LSM8: variants seen among roughly 807,000 people sequenced by gnomAD.
LSM8 encodes LSM8 homolog, U6 small nuclear RNA associated, also known as LSM8 U6 small nuclear RNA associated.
Under a neutral mutation model 15.0 loss-of-function variants are expected in LSM8, and 14 were observed. That is an observed-to-expected ratio of 0.93 (90% CI 0.62 to 1.46). LSM8 has a LOEUF of 1.46. Ranked by LOEUF, LSM8 falls within the 40% of genes most tolerant of loss-of-function variation. The pLI is 0.00. For synonymous variants in LSM8, 50 were observed against 42.1 expected, an observed-to-expected ratio of 1.19 and a Z score of -0.73; for missense variants, 90 against 115.4, an observed-to-expected ratio of 0.78 and a Z score of 1.01.
In LSM8 at chr7:118,202,946, C is replaced by CT. The variant is rs1302843216; in HGVS notation, c.*10950dup. ...CTGATCTATACTGTCTTTCTACACA[C>CT]TTTTTTACCTTACTTTATCCTTCAG... On this transcript the variant is annotated 3_prime_UTR_variant, in exon 4 of 4. Transcript: ENST00000249299. 6.6e-6 allele frequency among the ~76,000 whole-genome samples: 1 copy of CT among 151,944 alleles called. No homozygotes were observed. The highest frequency in any genetic ancestry group is 6.6e-5 in the Admixed American group (1 of 15,202).
chr7:118,200,748 CT>C lies in LSM8; in HGVS notation c.*8752del, dbSNP rs1809159507. 6.6e-6 allele frequency among the ~76,000 whole-genome samples: 1 copy of C among 151,984 alleles called. No individual in the cohort carries two copies. The highest frequency in any genetic ancestry group is 2.1e-4 in the South Asian group (1 of 4,826). Reference sequence around the variant, plus strand: ...TATTCCTTAAGTGTTTGAATTTACACTTTTTTCTCCTGTGACAGCATCTATT... The same window carrying C: ...TATTCCTTAAGTGTTTGAATTTACACTTTTTCTCCTGTGACAGCATCTATT... On this transcript the variant is annotated 3_prime_UTR_variant, in exon 4 of 4. Transcript: ENST00000249299.
rs565310400 is a variant in LSM8, at chr7:118,192,175, T to G, written c.*173T>G. 4.6e-5 allele frequency: 19 copies of G among 412,888 alleles called. No individual in the cohort carries two copies. Among genetic ancestry groups the G allele is most frequent in the Admixed American group, 3.0e-4 (7 of 23,392 alleles). 25.6% of individuals were successfully genotyped at this position (412,888 alleles called of 1,614,324 possible). A position where few individuals can be genotyped will look rare whatever the true frequency, so the allele number is the denominator to read the frequency against. ...TTATTGAAAAAAAAACCTTTTTTTT[T>G]GCCTAAATATAAGTTTGGTAGCTTG... On this transcript the variant is annotated 3_prime_UTR_variant, in exon 4 of 4. Coordinates refer to ENST00000249299, the MANE Select transcript of LSM8 (RefSeq NM_016200.5).
intron 2 of LSM8, among the ~76,000 whole-genome samples, chr7:118,187,002 C>T (rs1249566063): frequency 6.6e-6 from 1 of 152,044 alleles, no homozygotes; most frequent in Non-Finnish European, 1.5e-5. Context: ...ATATAAAAAG[C>T]ATCTTAAGTT....
rs1283514302 is a variant in LSM8 at position 118,199,312 on chromosome 7, A to G, written c.*7310A>G. On this transcript the variant is annotated 3_prime_UTR_variant, in exon 4 of 4. Coordinates refer to ENST00000249299, the MANE Select transcript of LSM8 (RefSeq NM_016200.5). ...AAGAGATGGCCTTCAATACTAGTGC[A>G]AAGTTAATACTTTATTCTTAGAGCA... 6.6e-6 allele frequency among the ~76,000 whole-genome samples: 1 copy of G among 152,176 alleles called. No individual in the cohort carries two copies. Among genetic ancestry groups the G allele is most frequent in the Non-Finnish European group, 1.5e-5 (1 of 68,028 alleles).
Position 118,200,628 on chromosome 7 carries a change from TAAAC to T in LSM8, c.*8629_*8632del, listed in dbSNP as rs1424512440. 5.3e-5 allele frequency among the ~76,000 whole-genome samples: 8 copies of T among 152,156 alleles called. No individual in the cohort carries two copies. Among genetic ancestry groups the T allele is most frequent in the East Asian group, 1.9e-4 (1 of 5,204 alleles). On this transcript the variant is annotated 3_prime_UTR_variant, in exon 4 of 4. Coordinates refer to ENST00000249299, the MANE Select transcript of LSM8 (RefSeq NM_016200.5). ...CAAATTATTAATGATTCTTCCATAA[TAAAC>T]AAGCAAACTGTCATACTTGTTGACT...
Position 118,194,445 on chromosome 7 carries a change from CTT to C in LSM8, c.*2444_*2445del, listed in dbSNP as rs1809042546. 6.6e-6 allele frequency among the ~76,000 whole-genome samples: 1 copy of C among 151,584 alleles called. No homozygotes were observed. Among genetic ancestry groups the C allele is most frequent in the African/African-American group, 2.4e-5 (1 of 41,208 alleles). Reference sequence around the variant, plus strand: ...CTTTTATGTCAAAGCACTTTGGTAACTTGGCCTCACATGCTGACAGTTTTGGC... The same window carrying C: ...CTTTTATGTCAAAGCACTTTGGTAACGGCCTCACATGCTGACAGTTTTGGC... On this transcript the variant is annotated 3_prime_UTR_variant, in exon 4 of 4. Transcript: ENST00000249299.
At position 118,185,668 on chromosome 7, in the gene LSM8, A is replaced by T; in HGVS notation, c.46A>T (p.Ile16Phe). The change falls in exon 2 of 4, where the codon ATT (isoleucine) becomes TTT (phenylalanine). Residue 16 changes from isoleucine (I) to phenylalanine (F), a missense_variant. By Grantham distance (21) the Ile-to-Phe change is conservative. Transcript: ENST00000249299. The part of the protein sequence containing the change: ...ENYINRTVAV[I>F]TSDGRMIVGT... ...TCAGTTATCAGGAACTGTTGCCGTT[A>T]TTACATCAGATGGGAGAATGATTGT... 6.2e-7 allele frequency: 1 copy of T among 1,611,106 alleles called. No homozygotes were observed. Among genetic ancestry groups the T allele is most frequent in the Non-Finnish European group, 8.5e-7 (1 of 1,177,506 alleles).
At position 118,198,946 on chromosome 7, in the gene LSM8, C is replaced by T. The variant is rs570144690; in HGVS notation, c.*6944C>T. ...ATGAGGGAACTGAATATTTATGTGA[C>T]TGAACCCTCATAAAAACCCTGAACA... On this transcript the variant is annotated 3_prime_UTR_variant, in exon 4 of 4. Coordinates refer to ENST00000249299, the MANE Select transcript of LSM8 (RefSeq NM_016200.5). 1.3e-5 allele frequency among the ~76,000 whole-genome samples: 2 copies of T among 152,260 alleles called. No individual in the cohort carries two copies. Among genetic ancestry groups the T allele is most frequent in the Non-Finnish European group, 2.9e-5 (2 of 68,024 alleles).
intron 1 of LSM8, 163 bp downstream of exon 1, chr7:118,184,417 C>T (rs1459102649): frequency 5.2e-6 from 4 of 775,544 alleles, no homozygotes; most frequent in Non-Finnish European, 7.4e-6. Flanking sequence ...CGCCTCGAGC[C>T]TTCCCGCTGC....
Position 118,196,745 on chromosome 7 carries a change from T to TTTAG in LSM8, c.*4745_*4746insAGTT, listed in dbSNP as rs1421971971. 4.0e-3 allele frequency among the ~76,000 whole-genome samples: 561 copies of TTTAG among 138,608 alleles called. 3 individuals carry two copies. Among genetic ancestry groups the TTTAG allele is most frequent in the African/African-American group, 0.013 (525 of 39,196 alleles). The allele number at this position is 138,608 out of a possible 152,430, so 90.9% of individuals were successfully genotyped here. On this transcript the variant is annotated 3_prime_UTR_variant, in exon 4 of 4. Transcript: ENST00000249299. ...ATTTATTTATTTATTTATTTATTTATTTTTGAGACACTTCTTGCTCTTTCG... is the reference window on the plus strand; with the variant it reads ...ATTTATTTATTTATTTATTTATTTATTTAGTTTTGAGACACTTCTTGCTCTTTCG...
At chr7:118,188,930 A>C (rs1292953152) in intron 3 of LSM8, 1 of 152,388 alleles carries the variant, frequency 6.6e-6, no homozygotes, top group Non-Finnish European at 1.5e-5. Context: ...GACACACTTA[A>C]GATGTCCCTG....
At chr7:118,187,231 A>G (rs1408261600) in intron 2 of LSM8, among the ~76,000 whole-genome samples, 2 of 152,042 alleles carry the variant, frequency 1.3e-5, no homozygotes, top group African/African-American at 4.8e-5. Context: ...ATATATTTTG[A>G]CTTTCAGAAG....
Position 118,184,166 on chromosome 7 carries a change from T to G in LSM8, c.-58T>G. 2 of 1,543,258 alleles carry G rather than the reference T, an allele frequency of 1.3e-6. No individual in the cohort carries two copies. The highest frequency in any genetic ancestry group is 5.1e-5 in the East Asian group (2 of 39,590). ...CCGCTGCCGGGTTCTGGCGCGCCCTTTCAGTTCTGCTTGCTGTCGGCACCG... is the reference window on the plus strand; with the variant it reads ...CCGCTGCCGGGTTCTGGCGCGCCCTGTCAGTTCTGCTTGCTGTCGGCACCG... On this transcript the variant is annotated 5_prime_UTR_variant, in exon 1 of 4. Transcript: ENST00000249299.
At chr7:118,184,556 T>A (rs988778611) in intron 1 of LSM8, 1 of 295,148 alleles carries the variant, frequency 3.4e-6, no homozygotes, top group African/African-American at 2.2e-5. Context: ...CCCTATGGCA[T>A]AAGTGTTAAA....
chr7:118,187,603 A>T (rs1808908343), intron 2 of LSM8, among the ~76,000 whole-genome samples: 1 of 152,228 alleles, frequency 6.6e-6, no homozygotes, highest in Non-Finnish European at 1.5e-5. Flanking sequence ...AATCTGAAAA[A>T]TGGCAAATTA....
rs2191922 is a variant in LSM8 at position 118,201,204 on chromosome 7, A to G, written c.*9202A>G. 0.069 allele frequency among the ~76,000 whole-genome samples: 10,431 copies of G among 152,140 alleles called. 384 individuals carry two copies. The highest frequency in any genetic ancestry group is 0.11 in the East Asian group (568 of 5,182). On this transcript the variant is annotated 3_prime_UTR_variant, in exon 4 of 4. Transcript: ENST00000249299. ...TGTTAGCAGTTATTTCGAGTTATTTATATATCACAGAATTTTGAACTAAAG... is the reference window on the plus strand; with the variant it reads ...TGTTAGCAGTTATTTCGAGTTATTTGTATATCACAGAATTTTGAACTAAAG...
At position 118,199,739 on chromosome 7, in the gene LSM8, A is replaced by T. The variant is rs914315434; in HGVS notation, c.*7737A>T. On this transcript the variant is annotated 3_prime_UTR_variant, in exon 4 of 4. Coordinates refer to ENST00000249299, the MANE Select transcript of LSM8 (RefSeq NM_016200.5). ...ATACTAGTCTTTAAGACAGGCTTTG[A>T]GAAATTCAAGTGTAGGGTAAGGCCA... 1.3e-5 allele frequency among the ~76,000 whole-genome samples: 2 copies of T among 152,134 alleles called. No homozygotes were observed. Among genetic ancestry groups the T allele is most frequent in the Non-Finnish European group, 2.9e-5 (2 of 67,998 alleles).
chr7:118,188,196 A>G (rs1562861475), intron 2 of LSM8, 82 bp from the exon 3 acceptor site: 1 of 1,499,708 alleles, frequency 6.7e-7, no homozygotes, highest in South Asian at 1.1e-5. Context: ...ATACCTGGCA[A>G]CTAAAATGAC....
rs1473687404 is a variant in LSM8, at chr7:118,196,917, C to T, written c.*4915C>T. Among the ~76,000 whole-genome samples, 5 of 151,454 alleles carry T rather than the reference C, an allele frequency of 3.3e-5. No individual in the cohort carries two copies. The highest frequency in any genetic ancestry group is 6.6e-5 in the Admixed American group (1 of 15,202). ...GCTAATTTTTTTGTTTTAGTAGAGACGGGGTTTCACCATGTTGGCCAGGAT... is the reference window on the plus strand; with the variant it reads ...GCTAATTTTTTTGTTTTAGTAGAGATGGGGTTTCACCATGTTGGCCAGGAT... On this transcript the variant is annotated 3_prime_UTR_variant, in exon 4 of 4. Transcript: ENST00000249299.
Sources: gnomAD v4.1 joint callset for allele counts (sites outside exome capture counted in the v4.1 genomes callset) on GRCh38, gnomAD v4.1.1 for gene constraint, MANE v1.5 for transcripts, NCBI Gene and HGNC (gene_info 2026-07-23, HGNC 2026-07-21) for gene names.